The following FHL1 variants were observed in gnomAD, a reference collection of about 807,000 sequenced individuals.
FHL1 encodes the protein four and a half LIM domains protein 1.
FHL1 carries 1 observed loss-of-function variant against 20.3 expected under a neutral mutation model. That is an observed-to-expected ratio of 0.05 (90% confidence interval 0.02 to 0.23). The LOEUF (loss-of-function observed/expected upper bound fraction) is 0.23, where lower values mean the gene tolerates loss of function less well. Among genes scored for constraint, FHL1 ranks in the 10% least tolerant of loss-of-function variants. FHL1 has a pLI of 1.00. For missense variants in FHL1, 177 were observed against 234.0 expected (o/e 0.76, Z 1.59); for synonymous variants, 82 against 88.9 (o/e 0.92, Z 0.44).
At chrX:136,200,918 C>T (rs1006834920) in intron 1 of FHL1, among the ~76,000 whole-genome samples, 5 of 111,652 alleles carry the variant, frequency 4.5e-5, no homozygotes, top group Non-Finnish European at 9.4e-5. Flanking sequence ...AATGCCAGCA[C>T]TTTGGGAGGC....
At chrX:136,153,362 G>A (rs1429294294) in intron 1 of FHL1, among the ~76,000 whole-genome samples, 2 of 110,365 alleles carry the variant, frequency 1.8e-5, no homozygotes, top group Admixed American at 1.9e-4. Context: ...CGATTCTCAA[G>A]GGCCAGGATG....
intron 2 of FHL1, among the ~76,000 whole-genome samples, chrX:136,187,255 A>G (rs150475524): frequency 2.7e-5 from 3 of 110,989 alleles, no homozygotes; most frequent in Non-Finnish European, 5.7e-5. Flanking sequence ...GGGGAAGTAG[A>G]TGTCTGGGGA....
intron 2 of FHL1, among the ~76,000 whole-genome samples, chrX:136,191,499 C>T (rs982254718): frequency 1.8e-5 from 2 of 112,137 alleles, no homozygotes; most frequent in East Asian, 5.6e-4. Context: ...CTTCCACTTC[C>T]GTGCACCATG....
At chrX:136,154,542 A>AT (rs1360577175) in intron 1 of FHL1, among the ~76,000 whole-genome samples, 2 of 111,817 alleles carry the variant, frequency 1.8e-5, no homozygotes, top group Non-Finnish European at 3.8e-5. Context: ...CCATGAAAGT[A>AT]TTTTTTTCCT....
chrX:136,209,901 A>C lies in FHL1; in HGVS notation c.767A>C (p.Tyr256Ser), dbSNP rs1161827184. The change falls in exon 6 of 6, where the codon TAT becomes TCT. Residue 256 changes from tyrosine to serine, a missense_variant. Tyr to Ser is a moderately radical substitution (Grantham distance 144). Coordinates refer to ENST00000370683, the MANE Select transcript of FHL1 (RefSeq NM_001159699.2). Reference sequence around the variant, plus strand: ...GGTAAAGGCTCCAGTGTGGTGGCCTATGAAGGACAATCCTGGCACGACTAC... The same window carrying C: ...GGTAAAGGCTCCAGTGTGGTGGCCTCTGAAGGACAATCCTGGCACGACTAC... ...GFGKGSSVVA[Y>S]EGQSWHDYCF... The C allele has an allele frequency of 6.6e-6, 8 of 1,207,399 alleles. No individual in the cohort carries two copies. Among genetic ancestry groups the C allele is most frequent in the Non-Finnish European group, 7.8e-6 (7 of 894,618 alleles).
intron 2 of FHL1, among the ~76,000 whole-genome samples, chrX:136,170,518 T>C (rs1488578473): frequency 9.0e-6 from 1 of 111,356 alleles, no homozygotes; most frequent in Non-Finnish European, 1.9e-5. Flanking sequence ...TGCCCTCAAG[T>C]TCAGAACAAC....
chrX:136,175,714 T>A (rs1479385897), intron 2 of FHL1, among the ~76,000 whole-genome samples: 1 of 112,339 alleles, frequency 8.9e-6, no homozygotes, highest in Non-Finnish European at 1.9e-5. Flanking sequence ...TATAATACAG[T>A]CTTACTAAAA....
intron 1 of FHL1, among the ~76,000 whole-genome samples, chrX:136,150,342 T>A (rs1388245259): frequency 8.9e-6 from 1 of 111,964 alleles, no homozygotes; most frequent in Non-Finnish European, 1.9e-5. Context: ...CACCTCCTAG[T>A]TCCCTTCTTC....
upstream of FHL1, among the ~76,000 whole-genome samples, chrX:136,195,908 C>G (rs1422277020): frequency 8.9e-6 from 1 of 111,869 alleles, no homozygotes; most frequent in East Asian, 2.8e-4. Flanking sequence ...AAACCACTTT[C>G]AGGATTGCAG....
intron 1 of FHL1, among the ~76,000 whole-genome samples, chrX:136,161,506 G>T (rs2072565607): frequency 9.0e-6 from 1 of 111,617 alleles, no homozygotes; most frequent in African/African-American, 3.3e-5. Flanking sequence ...GTTGAATTTT[G>T]TCACCTTACA....
At chrX:136,185,296 A>G (rs1193657553) in intron 2 of FHL1, among the ~76,000 whole-genome samples, 1 of 112,036 alleles carries the variant, frequency 8.9e-6, no homozygotes, top group Non-Finnish European at 1.9e-5. Flanking sequence ...TTAAATGAGT[A>G]GACAGTTGGA....
At chrX:136,199,673 G>A (rs1351850832) in intron 1 of FHL1, among the ~76,000 whole-genome samples, 2 of 112,542 alleles carry the variant, frequency 1.8e-5, no homozygotes, top group Non-Finnish European at 3.8e-5. Flanking sequence ...TAATGTACTG[G>A]TAGGTTGGAT....
At chrX:136,152,549 G>A (rs923977646) in intron 1 of FHL1, among the ~76,000 whole-genome samples, 1 of 110,276 alleles carries the variant, frequency 9.1e-6, no homozygotes, top group Admixed American at 9.7e-5. Context: ...GTGAAACCCC[G>A]TCATGGCTAA....
intron 1 of FHL1, among the ~76,000 whole-genome samples, chrX:136,204,387 T>G (rs181906063): frequency 4.5e-4 from 50 of 112,327 alleles, no homozygotes; most frequent in Middle Eastern, 4.6e-3. Flanking sequence ...GACAGGTACT[T>G]TTCTCTGTAG....
intron 2 of FHL1, among the ~76,000 whole-genome samples, chrX:136,189,308 C>G (rs2073380732): frequency 9.0e-6 from 1 of 111,257 alleles, no homozygotes; most frequent in Non-Finnish European, 1.9e-5. Flanking sequence ...TTCATAAACC[C>G]TCCTGACCCA....
At chrX:136,173,564 ATTGAAAGG>A (rs1250277783) in intron 2 of FHL1, among the ~76,000 whole-genome samples, 2 of 112,256 alleles carry the variant, frequency 1.8e-5, no homozygotes, top group Non-Finnish European at 3.8e-5. Context: ...GCATTTAAAA[ATTGAAAGG>A]TTTCATATTT....
chrX:136,158,670 C>T (rs2072487529), intron 1 of FHL1, among the ~76,000 whole-genome samples: 1 of 111,267 alleles, frequency 9.0e-6, no homozygotes, highest in Non-Finnish European at 1.9e-5. Context: ...TTTCCAGTTT[C>T]GAGCTGTACT....
intron 1 of FHL1, among the ~76,000 whole-genome samples, chrX:136,159,658 A>T (rs1488175018): frequency 8.9e-6 from 1 of 112,051 alleles, no homozygotes; most frequent in Non-Finnish European, 1.9e-5. Context: ...TGAAAAGGGG[A>T]AGTATGAGGT....
In FHL1 at chrX:136,186,849, A is replaced by G. The variant is rs1480323882; in HGVS notation, c.-27+16869A>G. On this transcript the variant is annotated intron_variant, in intron 2 of 6. Coordinates refer to the FHL1 transcript ENST00000394153. ...AGCCTGGGCGACAGAGCGAGACTCC[A>G]TCTCAAAAAAAAAAAAATATATATA... Among the ~76,000 whole-genome samples, 27 of 60,010 alleles carry G rather than the reference A, an allele frequency of 4.5e-4. 1 individual carries two copies. Among genetic ancestry groups the G allele is most frequent in the East Asian group, 3.9e-3 (8 of 2,077 alleles). 52.1% of individuals were successfully genotyped at this position (60,010 alleles called of 115,157 possible).
Sources: allele counts gnomAD v4.1 joint callset (sites outside exome capture counted in the v4.1 genomes callset), GRCh38; gene constraint gnomAD v4.1.1; transcripts MANE v1.5; gene names NCBI Gene and HGNC (gene_info 2026-07-23, HGNC 2026-07-21).